NEAT1: variants seen among roughly 807,000 people sequenced by gnomAD.
NEAT1 encodes MENepsilon/beta.
chr11:65,437,181 G>T (rs1856664643), exon 1 of NEAT1: 3 of 133,328 alleles, frequency 2.3e-5, no homozygotes, highest in Admixed American at 7.7e-5. Flanking sequence ...TTGCTCTTTA[G>T]TTTATATATA....
chr11:65,424,447 G>A (rs551405551), exon 1 of NEAT1: 2 of 152,320 alleles, frequency 1.3e-5, no homozygotes, highest in East Asian at 3.9e-4. Flanking sequence ...TTGATGCCTT[G>A]TAGATGGAGC....
exon 1 of NEAT1, chr11:65,427,683 A>G (rs1856575275): frequency 6.6e-6 from 1 of 152,154 alleles, no homozygotes; most frequent in Non-Finnish European, 1.5e-5. Flanking sequence ...GATGCCCCAG[A>G]AACAATCCAG....
At chr11:65,425,657 T>TA (rs1390494745) in exon 1 of NEAT1, 21 of 152,176 alleles carry the variant, frequency 1.4e-4, no homozygotes, top group Admixed American at 1.3e-3. Flanking sequence ...TTGTTCCTCA[T>TA]TTGTCACAGG....
At chr11:65,424,852 A>G (rs1406167234) in exon 1 of NEAT1, 1 of 152,090 alleles carries the variant, frequency 6.6e-6, no homozygotes, top group Non-Finnish European at 1.5e-5. Flanking sequence ...CATTCTAGTA[A>G]GAGGACCCTG....
At chr11:65,444,165 G>T in exon 1 of NEAT1, 1 of 284,584 alleles carries the variant, frequency 3.5e-6, no homozygotes, top group Non-Finnish European at 6.9e-6. Context: ...AGCAAAGTGG[G>T]GGAGGGGGCA....
exon 1 of NEAT1, chr11:65,444,797 A>C: frequency 3.9e-6 from 1 of 258,488 alleles, no homozygotes. Flanking sequence ...TGTGCTTCCG[A>C]CTTCATTTCG....
chr11:65,437,040 G>A (rs953474389), exon 1 of NEAT1: 1 of 151,762 alleles, frequency 6.6e-6, no homozygotes, highest in African/African-American at 2.4e-5. Flanking sequence ...TTTAATTGTA[G>A]TTTGGATTTG....
At chr11:65,432,668 A>ATGTGTGTGTGTG (rs199736841) in exon 1 of NEAT1, 4 of 144,902 alleles carry the variant, frequency 2.8e-5, no homozygotes, top group African/African-American at 1.0e-4. Context: ...TTTTTTCTTT[A>ATGTGTGTGTGTG]TGTGTGTGTG....
At chr11:65,438,764 A>C (rs1856688357) in exon 1 of NEAT1, 2 of 152,182 alleles carry the variant, frequency 1.3e-5, no homozygotes, top group Non-Finnish European at 2.9e-5. Context: ...CACTGTATGG[A>C]TAGACCCCAT....
chr11:65,430,570 T>C (rs1856606474), exon 1 of NEAT1: 1 of 152,190 alleles, frequency 6.6e-6, no homozygotes, highest in Non-Finnish European at 1.5e-5. Context: ...AAAAAGATCA[T>C]GAATGAATGA....
chr11:65,424,630 G>A (rs1415306278), exon 1 of NEAT1: 1 of 152,208 alleles, frequency 6.6e-6, no homozygotes, highest in Non-Finnish European at 1.5e-5. Context: ...CAAATTAAGG[G>A]TGTCATTGTG....
chr11:65,424,872 T>C (rs1856545187), exon 1 of NEAT1: 2 of 151,552 alleles, frequency 1.3e-5, no homozygotes, highest in Admixed American at 6.6e-5. Flanking sequence ...GAGGTGGGAG[T>C]TGTGGGGGAC....
chr11:65,433,650 C>T (rs1038285038), exon 1 of NEAT1: 1 of 151,822 alleles, frequency 6.6e-6, no homozygotes, highest in Non-Finnish European at 1.5e-5. Flanking sequence ...TGACTAAATA[C>T]TGTCTTTGAT....
exon 1 of NEAT1, chr11:65,424,227 C>G (rs560543872): frequency 2.0e-5 from 3 of 152,428 alleles, no homozygotes; most frequent in South Asian, 2.1e-4. Context: ...ACAGCAGATG[C>G]ATCCGGCTCG....
chr11:65,434,240 T>C (rs1473060516), exon 1 of NEAT1: 4 of 152,190 alleles, frequency 2.6e-5, no homozygotes, highest in Non-Finnish European at 5.9e-5. Context: ...GTAGAAGTGA[T>C]ATGTGGGTGT....
At chr11:65,435,154 A>G (rs1335849895) in exon 1 of NEAT1, 1 of 152,232 alleles carries the variant, frequency 6.6e-6, no homozygotes, top group Non-Finnish European at 1.5e-5. Flanking sequence ...AGGTAAGTCC[A>G]TGGCTAATGT....
At chr11:65,435,532 T>C (rs1468358995) in exon 1 of NEAT1, 7 of 152,224 alleles carry the variant, frequency 4.6e-5, no homozygotes, top group African/African-American at 1.7e-4. Flanking sequence ...CATCTCAAAG[T>C]GTGCTGCGGG....
At chr11:65,424,702 A>G (rs1026937204) in exon 1 of NEAT1, 7 of 152,266 alleles carry the variant, frequency 4.6e-5, no homozygotes, top group African/African-American at 1.4e-4. Flanking sequence ...GAGAAATGGC[A>G]GGTCTAGTTT....
At chr11:65,428,763 A>G (rs980282567) in exon 1 of NEAT1, 2 of 151,782 alleles carry the variant, frequency 1.3e-5, no homozygotes, top group African/African-American at 4.8e-5. Flanking sequence ...ACCCGCCGCC[A>G]CCCTCCAGGA....
Sources: allele counts gnomAD v4.1 joint callset, GRCh38; gene constraint gnomAD v4.1.1; transcripts MANE v1.5; gene names NCBI Gene and HGNC (gene_info 2026-07-23, HGNC 2026-07-21).